SAFB2: variants seen among roughly 807,000 people sequenced by gnomAD.
The protein encoded by SAFB2 is scaffold attachment factor B2.
A neutral mutation model predicts 100.6 loss-of-function variants in SAFB2; 32 were observed. That is an observed-to-expected ratio of 0.32 (90% CI 0.24 to 0.43). The LOEUF is 0.43. Among genes scored for constraint, SAFB2 ranks in the 20% least tolerant of loss-of-function variants. SAFB2 has a pLI of 1.00. For missense variants in SAFB2, 1,185 were observed against 1,163.4 expected, an observed-to-expected ratio of 1.02 and a Z score of -0.27; for synonymous variants, 500 against 439.4, an observed-to-expected ratio of 1.14 and a Z score of -1.72.
rs758883870 is a variant in SAFB2, at chr19:5,587,684, C to T, written c.2705+17G>A. On this transcript the variant is annotated intron_variant, in intron 20 of 20. Transcript: ENST00000252542. The surrounding 1 kb of genome is among the most constrained non-coding windows in gnomAD (Gnocchi z 4.9). ...AGCAGGAGTGAACCACCGTCCTCCA[C>T]GGACGACACACCTTACCCCGCCACT... The T allele has an allele frequency of 8.9e-5, 138 of 1,542,334 alleles. No homozygotes were observed. The highest frequency in any genetic ancestry group is 5.1e-4 in the Middle Eastern group (3 of 5,916).
At chr19:5,603,669 G>A (rs947038359) in intron 11 of SAFB2, among the ~76,000 whole-genome samples, 3 of 152,210 alleles carry the variant, frequency 2.0e-5, no homozygotes, top group African/African-American at 7.2e-5. Context: ...CTCACAGGGT[G>A]CCACCGTGAA....
intron 13 of SAFB2, among the ~76,000 whole-genome samples, chr19:5,595,855 T>C (rs2052525988): frequency 6.6e-6 from 1 of 152,252 alleles, no homozygotes; most frequent in African/African-American, 2.4e-5. Context: ...ACAGGGCCAC[T>C]GTGGCCATTA....
intron 13 of SAFB2, among the ~76,000 whole-genome samples, chr19:5,595,922 T>C (rs2052527690): frequency 1.3e-5 from 2 of 152,178 alleles, no homozygotes. Context: ...GCAGACTACA[T>C]GTTTCACATC....
chr19:5,604,577 C>G lies in SAFB2; in HGVS notation c.1559+6G>C. On this transcript the variant is annotated splice_donor_region_variant and intron_variant, in intron 11 of 20. Coordinates refer to ENST00000252542, the MANE Select transcript of SAFB2 (RefSeq NM_014649.3). ...TTCCAAGAGGAGGTTTGAAAATTCA[C>G]TTTACTTTTCAATTTTGATCTCCAC... 6.2e-7 allele frequency: 1 copy of G among 1,609,516 alleles called. No homozygotes were observed. The highest frequency in any genetic ancestry group is 1.1e-5 in the South Asian group (1 of 90,786).
chr19:5,597,596 C>A (rs533034620), intron 13 of SAFB2, among the ~76,000 whole-genome samples: 1 of 152,060 alleles, frequency 6.6e-6, no homozygotes, highest in Non-Finnish European at 1.5e-5. Flanking sequence ...CAGAGGAAGC[C>A]GAGGAGCCCA....
chr19:5,587,493 G>A lies in SAFB2; in HGVS notation c.2706-94C>T, dbSNP rs145587044. 35 of 1,491,594 alleles carry A rather than the reference G, an allele frequency of 2.3e-5. No homozygotes were observed. Among genetic ancestry groups the A allele is most frequent in the African/African-American group, 4.2e-5 (3 of 71,302 alleles). The allele number at this position is 1,491,594 out of a possible 1,614,324, so 92.4% of individuals were successfully genotyped here. A position where few individuals can be genotyped will look rare whatever the true frequency, so the allele number is the denominator to read the frequency against. ...GTAACGGTCCCGCAGCCTTTAGAGC[G>A]CTTGGGTTTTTTTTCCAGGTGAGAA... is the stretch of plus-strand genomic sequence containing the variant. On this transcript the variant is annotated intron_variant, in intron 20 of 20. Transcript: ENST00000252542. The surrounding 1 kb of genome is among the most constrained non-coding windows in gnomAD (Gnocchi z 4.9).
chr19:5,598,366 A>G (rs1423416247), intron 13 of SAFB2: 1 of 181,862 alleles, frequency 5.5e-6, no homozygotes, highest in African/African-American at 2.3e-5. Context: ...ATCTGATAAC[A>G]TGACCAGCTC....
Position 5,594,031 on chromosome 19 carries a change from GCGCTCCAGCCGCTCC to G in SAFB2, c.2052_2066del (p.Leu687_Arg691del), listed in dbSNP as rs1568209621. ...GCTCACGCTCCACGCGCATGCGCTC[GCGCTCCAGCCGCTCC>G]CGCTCCATGCGCTCCCGCTCCAGCC... On this transcript the variant is annotated inframe_deletion, in exon 15 of 21. Coordinates refer to ENST00000252542, the MANE Select transcript of SAFB2 (RefSeq NM_014649.3). 6.4e-7 allele frequency: 1 copy of G among 1,570,888 alleles called. No individual in the cohort carries two copies. The highest frequency in any genetic ancestry group is 1.1e-5 in the South Asian group (1 of 87,304).
intron 12 of SAFB2, among the ~76,000 whole-genome samples, 176 bp downstream of exon 12, chr19:5,599,954 G>A (rs1180144247): frequency 5.3e-5 from 8 of 152,086 alleles, no homozygotes; most frequent in Non-Finnish European, 1.2e-4. Flanking sequence ...TCCCGATGTT[G>A]TATGGACACT....
intron 2 of SAFB2, 111 bp from the exon 3 acceptor site, chr19:5,616,597 A>C: frequency 1.1e-6 from 1 of 896,244 alleles, no homozygotes; most frequent in Non-Finnish European, 1.8e-6. Flanking sequence ...GATAAACTAT[A>C]AGTCTCCCCT....
At chr19:5,614,127 G>C (rs913382871) in intron 4 of SAFB2, among the ~76,000 whole-genome samples, 1 of 152,048 alleles carries the variant, frequency 6.6e-6, no homozygotes, top group African/African-American at 2.4e-5. Flanking sequence ...CTAATTTTTT[G>C]TATGTTTTAG....
At chr19:5,603,318 C>G (rs908631155) in intron 11 of SAFB2, among the ~76,000 whole-genome samples, 1 of 152,096 alleles carries the variant, frequency 6.6e-6, no homozygotes, top group African/African-American at 2.4e-5. Flanking sequence ...CCAATTTGGC[C>G]ATGATGTAAA....
intron 17 of SAFB2, 125 bp from the exon 18 acceptor site, chr19:5,590,533 G>A: frequency 1.8e-6 from 2 of 1,114,132 alleles, no homozygotes; most frequent in Middle Eastern, 3.1e-4. Context: ...AGGACTGAAG[G>A]GTGCAGTCTC....
At chr19:5,589,878 G>T (rs2052351252) in intron 18 of SAFB2, among the ~76,000 whole-genome samples, 1 of 152,132 alleles carries the variant, frequency 6.6e-6, no homozygotes, top group East Asian at 1.9e-4. Context: ...GGGGGTCAGA[G>T]AAAAAACCCG....
At chr19:5,588,386 C>T (rs2052311932) in intron 18 of SAFB2, among the ~76,000 whole-genome samples, 1 of 152,212 alleles carries the variant, frequency 6.6e-6, no homozygotes, top group African/African-American at 2.4e-5. Flanking sequence ...CATGACCCAG[C>T]AAACCCATTC....
chr19:5,604,654 T>C lies in SAFB2; in HGVS notation c.1488A>G (p.Lys496=). 1 of 1,614,226 alleles carries C rather than the reference T, an allele frequency of 6.2e-7. No individual in the cohort carries two copies. The highest frequency in any genetic ancestry group is 8.5e-7 in the Non-Finnish European group (1 of 1,180,026). The change falls in exon 11 of 21, where the codon AAA becomes AAG. Residue 496 remains lysine (K), a synonymous_variant. Coordinates refer to ENST00000252542, the MANE Select transcript of SAFB2 (RefSeq NM_014649.3). ...EPAGKKLSDR[K]ECEVKKEKLS... is the part of the protein sequence containing the mutation. ...ATTTTTCCTTCTTCACTTCGCACTC[T>C]TTTCTGTCGGAAAGCTTTTTCCCAG...
At position 5,598,790 on chromosome 19, in the gene SAFB2, C is replaced by T. The variant is rs75051036; in HGVS notation, c.1782+3G>A. 73,302 of 1,613,096 alleles carry T rather than the reference C, an allele frequency of 0.045. 1,839 individuals are homozygous for T. Among genetic ancestry groups the T allele is most frequent in the Middle Eastern group, 0.074 (449 of 6,048 alleles). On this transcript the variant is annotated splice_donor_region_variant and intron_variant, in intron 13 of 20. Coordinates refer to ENST00000252542, the MANE Select transcript of SAFB2 (RefSeq NM_014649.3). ...GCCCTGAGATGGCAGAGGCAATACT[C>T]ACTCTCTCTTTGGACCTGCTTGTGG...
chr19:5,590,301 G>A lies in SAFB2; in HGVS notation c.2502C>T (p.Gly834=). 1.2e-6 allele frequency: 2 copies of A among 1,604,318 alleles called. No homozygotes were observed. The highest frequency in any genetic ancestry group is 1.7e-6 in the Non-Finnish European group (2 of 1,176,452). Residue 834 remains glycine, a synonymous_variant, in exon 18 of 21, where the codon GGC becomes GGT. Coordinates refer to ENST00000252542, the MANE Select transcript of SAFB2 (RefSeq NM_014649.3). ...GYGSDKRLSE[G]RGLPPPPRGG... is the part of the protein sequence containing the mutation. ...ACCTGGGGGGAGGGGGCAGCCCCCGGCCTTCACTCAGCCTCTTGTCGGAGC... is the reference window on the plus strand; with the variant it reads ...ACCTGGGGGGAGGGGGCAGCCCCCGACCTTCACTCAGCCTCTTGTCGGAGC...
At chr19:5,588,644 C>G (rs2052318339) in intron 18 of SAFB2, among the ~76,000 whole-genome samples, 1 of 152,124 alleles carries the variant, frequency 6.6e-6, no homozygotes, top group African/African-American at 2.4e-5. Context: ...AGCAGGCACA[C>G]CGCGCAGGCC....
Sources: gnomAD v4.1 joint callset for allele counts (sites outside exome capture counted in the v4.1 genomes callset) on GRCh38, gnomAD v4.1.1 for gene constraint, Gnocchi (gnomAD v3.1) non-coding constraint, MANE v1.5 for transcripts, NCBI Gene and HGNC (gene_info 2026-07-23, HGNC 2026-07-21) for gene names.